The following ZNF407 variants were observed in gnomAD, a reference collection of about 807,000 sequenced individuals.
ZNF407 encodes zinc finger protein 407.
Under a neutral mutation model 131.2 loss-of-function variants are expected in ZNF407, and 17 were observed. That is an observed-to-expected ratio of 0.13 (90% CI 0.09 to 0.19). The LOEUF (loss-of-function observed/expected upper bound fraction) is 0.19, where lower values mean the gene tolerates loss of function less well. Among genes scored for constraint, ZNF407 ranks in the 10% least tolerant of loss-of-function variants. The pLI, the probability that ZNF407 is intolerant of heterozygous loss-of-function variation, is 1.00. For synonymous variants in ZNF407, 1,156 were observed against 1,062.0 expected (o/e 1.09, Z -1.72); for missense variants, 2,681 against 2,830.6 (o/e 0.95, Z 1.20).
chr18:74,634,149 T>C lies in ZNF407; in HGVS notation c.3130T>C (p.Phe1044Leu). The change falls in exon 2 of 9, where the codon TTT (phenylalanine) becomes CTT (leucine). Residue 1044 changes from phenylalanine (F) to leucine (L), a missense_variant. Physicochemically the swap from Phe to Leu is conservative, Grantham distance 22. Coordinates refer to ENST00000299687, the MANE Select transcript of ZNF407 (RefSeq NM_017757.3). Reference protein sequence around the residue: ...LHVKRKHTKEFEFYCMACDYY... With the variant: ...LHVKRKHTKELEFYCMACDYY... ...TGTAAAACGGAAACATACAAAAGAG[T>C]TTGAGTTTTATTGCATGGCATGCGA... 1 of 1,613,756 alleles carries C rather than the reference T, an allele frequency of 6.2e-7. No individual in the cohort carries two copies. Among genetic ancestry groups the C allele is most frequent in the Non-Finnish European group, 8.5e-7 (1 of 1,179,846 alleles).
At chr18:74,666,395 A>C (rs1238450381) in intron 3 of ZNF407, among the ~76,000 whole-genome samples, 1 of 152,094 alleles carries the variant, frequency 6.6e-6, no homozygotes, top group Non-Finnish European at 1.5e-5. Flanking sequence ...GAGGAAAAGA[A>C]AGCCACGTGG....
intron 8 of ZNF407, among the ~76,000 whole-genome samples, chr18:75,005,047 T>A (rs1972892243): frequency 1.3e-5 from 2 of 152,224 alleles, no homozygotes; most frequent in Non-Finnish European, 2.9e-5. Flanking sequence ...TCAGCAAGAC[T>A]CATAAATAAT....
In ZNF407 at chr18:74,908,155, C is replaced by T. The variant is rs540481397; in HGVS notation, c.5250-12359C>T. ...GCATAGTTTTACTCCTTTTCTTTGCCCTACCTTTTAACTTTATTTATGATG... is the reference window on the plus strand; with the variant it reads ...GCATAGTTTTACTCCTTTTCTTTGCTCTACCTTTTAACTTTATTTATGATG... On this transcript the variant is annotated intron_variant, in intron 7 of 8. Coordinates refer to ENST00000299687, the MANE Select transcript of ZNF407 (RefSeq NM_017757.3). Among the ~76,000 whole-genome samples the T allele has an allele frequency of 1.6e-4, 25 of 152,098 alleles. No homozygotes were observed. The South Asian group carries it at 5.2e-3, about 32-fold the overall frequency.
At chr18:75,015,226 A>G (rs1973028963) in intron 8 of ZNF407, among the ~76,000 whole-genome samples, 1 of 152,072 alleles carries the variant, frequency 6.6e-6, no homozygotes, top group Admixed American at 6.6e-5. Context: ...GGAAAAGTCA[A>G]TAATAAATTG....
intron 3 of ZNF407, among the ~76,000 whole-genome samples, chr18:74,767,820 A>ATTTTT (rs10692267): frequency 7.9e-5 from 9 of 114,098 alleles, no homozygotes; most frequent in South Asian, 3.0e-4. Flanking sequence ...CGCCTGGCTA[A>ATTTTT]TTTTTTTTTT....
intron 4 of ZNF407, among the ~76,000 whole-genome samples, chr18:74,800,004 G>T (rs1465276306): frequency 4.9e-5 from 7 of 142,222 alleles, no homozygotes; most frequent in Admixed American, 2.2e-4. Flanking sequence ...GGTCCATCTT[G>T]ATCATTCATT....
At chr18:74,904,237 C>T (rs8096591) in intron 7 of ZNF407, among the ~76,000 whole-genome samples, 3,455 of 152,308 alleles carry the variant, frequency 0.023, 121 homozygotes, top group African/African-American at 0.078. Flanking sequence ...TATTTTACTT[C>T]TATGAGCATT....
chr18:75,030,787 A>G (rs1973230330), intron 8 of ZNF407, among the ~76,000 whole-genome samples: 1 of 152,110 alleles, frequency 6.6e-6, no homozygotes. Flanking sequence ...AGCCCTGACT[A>G]ACGGGCCCCA....
intron 3 of ZNF407, among the ~76,000 whole-genome samples, chr18:74,752,946 A>G (rs1460907645): frequency 6.6e-6 from 1 of 152,134 alleles, no homozygotes; most frequent in Non-Finnish European, 1.5e-5. Flanking sequence ...ATGGCATTGA[A>G]TCTATAAATT....
rs969828918 is a variant in ZNF407 at position 74,633,859 on chromosome 18, A to G, written c.2840A>G (p.Asn947Ser). The G allele has an allele frequency of 1.2e-6, 2 of 1,614,024 alleles. No individual in the cohort carries two copies. Among genetic ancestry groups the G allele is most frequent in the East Asian group, 2.2e-5 (1 of 44,892 alleles). ...GTGACCATGTCAGATGAACATGCTA[A>G]CAAACCAGCTGAGTCACCCACCTCC... ...SAVTMSDEHANKPAESPTSVL... is the reference protein window; with the variant it reads ...SAVTMSDEHASKPAESPTSVL... Residue 947 changes from asparagine (N) to serine (S), a missense_variant, in exon 2 of 9, where the codon AAC (asparagine) becomes AGC (serine). Physicochemically the swap from Asn to Ser is conservative, Grantham distance 46. Around this residue, in one of 6 missense-constraint regions of ZNF407, gnomAD observed 1,789 missense variants for 1,748.7 expected, o/e 1.02. Coordinates refer to ENST00000299687, the MANE Select transcript of ZNF407 (RefSeq NM_017757.3).
rs779761755 is a variant in ZNF407 at position 75,063,548 on chromosome 18, G to A, written c.5827G>A (p.Val1943Ile). The A allele has an allele frequency of 1.4e-5, 22 of 1,567,332 alleles. No individual in the cohort carries two copies. Among genetic ancestry groups the A allele is most frequent in the East Asian group, 4.8e-5 (2 of 41,974 alleles). ...GGCTGATGGAGCCACCCAGGTGGTCGTCGTGGGGGGCTCCATGGAAGGCCA... is the reference window on the plus strand; with the variant it reads ...GGCTGATGGAGCCACCCAGGTGGTCATCGTGGGGGGCTCCATGGAAGGCCA... ...QLADGATQVV[V>I]VGGSMEGHGM... Residue 1943 changes from valine to isoleucine, a missense_variant, in exon 9 of 9, where the codon GTC becomes ATC. This residue lies in a region of ZNF407 where 620 missense variants were observed against 583.1 expected (regional missense o/e 1.06). Transcript: ENST00000299687. The surrounding 1 kb of genome is among the most constrained non-coding windows in gnomAD (Gnocchi z 6.6).
Position 74,631,057 on chromosome 18 carries a change from AT to A in ZNF407, c.39del (p.Asp13GlufsTer4). ...GAGAATAAACCCGAAAATGATGAGGATGAAAAGATAAACAAAGAAGCACAAG... is the reference window on the plus strand; with the variant it reads ...GAGAATAAACCCGAAAATGATGAGGAGAAAAGATAAACAAAGAAGCACAAG... ...DSENKPENDE[D>X]EKINKEAQDL... On this transcript the variant is annotated frameshift_variant, in exon 2 of 9. Coordinates refer to ENST00000299687, the MANE Select transcript of ZNF407 (RefSeq NM_017757.3). LOFTEE classifies it high-confidence loss of function. The A allele has an allele frequency of 1.2e-6, 2 of 1,611,884 alleles. No individual in the cohort carries two copies. The highest frequency in any genetic ancestry group is 1.7e-6 in the Non-Finnish European group (2 of 1,179,330).
chr18:75,052,359 C>A (rs1973511371), intron 8 of ZNF407, among the ~76,000 whole-genome samples: 1 of 152,114 alleles, frequency 6.6e-6, no homozygotes, highest in Non-Finnish European at 1.5e-5. Context: ...CAGAATATTA[C>A]GATGAGCCAT....
chr18:74,761,662 C>T (rs1293850300), intron 3 of ZNF407, among the ~76,000 whole-genome samples: 1 of 152,042 alleles, frequency 6.6e-6, no homozygotes, highest in Non-Finnish European at 1.5e-5. Context: ...TTGCTGTTAC[C>T]TTCATCAGCT....
chr18:74,620,300 C>T (rs1242058013), intron 1 of ZNF407, among the ~76,000 whole-genome samples: 1 of 152,030 alleles, frequency 6.6e-6, no homozygotes, highest in African/African-American at 2.4e-5. Flanking sequence ...ATTTTGCAGG[C>T]CAAATTTGAT....
At chr18:74,623,089 TGTGA>T (rs1272246266) in intron 1 of ZNF407, among the ~76,000 whole-genome samples, 3 of 151,950 alleles carry the variant, frequency 2.0e-5, no homozygotes, top group Admixed American at 2.0e-4. Flanking sequence ...TGTATCAGTG[TGTGA>T]GTGCGTGTGT....
chr18:74,786,721 T>C (rs1969720506), intron 4 of ZNF407, among the ~76,000 whole-genome samples: 1 of 151,668 alleles, frequency 6.6e-6, no homozygotes, highest in Non-Finnish European at 1.5e-5. Context: ...TTTTAACCTG[T>C]AAACAGTTAA....
rs1324344845 is a variant in ZNF407, at chr18:74,738,612, T to C, written c.4803-42816T>C. Among the ~76,000 whole-genome samples, 5 of 142,128 alleles carry C rather than the reference T, an allele frequency of 3.5e-5. No homozygotes were observed. The South Asian group carries it at 1.1e-3, about 33-fold the overall frequency. The allele number at this position is 142,128 out of a possible 152,430, so 93.2% of individuals were successfully genotyped here. A position where few individuals can be genotyped will look rare whatever the true frequency, so the allele number is the denominator to read the frequency against. ...AACTTAGCTGGGTGTGGTGGTGTGC[T>C]CCTGTAGTCCCAGCTACCTGTGAGG... On this transcript the variant is annotated intron_variant, in intron 3 of 8. Transcript: ENST00000299687.
In ZNF407 at chr18:75,010,523, G is replaced by A. The variant is rs994104394; in HGVS notation, c.5429-52627G>A. Among the ~76,000 whole-genome samples the A allele has an allele frequency of 2.0e-5, 3 of 152,152 alleles. 1 individual carries two copies. The highest frequency in any genetic ancestry group is 2.9e-5 in the Non-Finnish European group (2 of 68,030). ...TGACTGCTAAGCATATGCCAGGCAC[G>A]TTATTTTTTGTATCCCAGCTGCTTA... On this transcript the variant is annotated intron_variant, in intron 8 of 8. Transcript: ENST00000299687.
Sources: gnomAD v4.1 joint callset for allele counts (sites outside exome capture counted in the v4.1 genomes callset) on GRCh38, gnomAD v4.1.1 for gene constraint, gnomAD v4.1.1 regional missense constraint, Gnocchi (gnomAD v3.1) non-coding constraint, MANE v1.5 for transcripts, NCBI Gene and HGNC (gene_info 2026-07-23, HGNC 2026-07-21) for gene names.